Variants in PTPRN observed in about 807,000 individuals in gnomAD.
PTPRN encodes the protein protein tyrosine phosphatase receptor type N.
PTPRN carries 70 observed loss-of-function variants against 108.5 expected under a neutral mutation model. The ratio of observed to expected loss-of-function variants is 0.65; its 90% CI spans 0.53 to 0.79. The LOEUF (loss-of-function observed/expected upper bound fraction) is 0.79. Ranked by LOEUF, PTPRN falls within the 30% of genes least tolerant of loss-of-function variation. PTPRN has a pLI of 0.00. For missense variants in PTPRN, 1,136 were observed against 1,295.5 expected (o/e 0.88, Z 1.89); for synonymous variants, 496 against 524.6 (o/e 0.95, Z 0.75).
rs200504837 is a variant in PTPRN at position 219,295,178 on chromosome 2, T to C, written c.2509-37A>G. 3.8e-5 allele frequency: 60 copies of C among 1,590,634 alleles called. No homozygotes were observed. The Admixed American group carries it at 4.1e-4, about 11-fold the overall frequency. On this transcript the variant is annotated intron_variant, in intron 18 of 22. Transcript: ENST00000295718. ...GGGCCCAGGCCTGAGCGCCGCGGGC[T>C]GCCCCAGTCCCCGCGTTGCGCGCGC... is the stretch of plus-strand genomic sequence containing the variant.
rs1302491912 is a variant in PTPRN at position 219,296,191 on chromosome 2, C to T, written c.2508+35G>A. Reference sequence around the variant, plus strand: ...AAAAGGCCATCATCTACTCTTCCCACATCCATTGTCCCCTTGCTGTGGGGC... The same window carrying T: ...AAAAGGCCATCATCTACTCTTCCCATATCCATTGTCCCCTTGCTGTGGGGC... On this transcript the variant is annotated intron_variant, in intron 18 of 22. Transcript: ENST00000295718. The surrounding 1 kb of genome is among the most constrained non-coding windows in gnomAD (Gnocchi z 6.0). 6.2e-7 allele frequency: 1 copy of T among 1,611,858 alleles called. No homozygotes were observed. The highest frequency in any genetic ancestry group is 1.7e-5 in the Admixed American group (1 of 60,002).
chr2:219,290,218 C>T lies in PTPRN; in HGVS notation c.*8G>A, dbSNP rs780519955. 2 of 1,613,800 alleles carry T rather than the reference C, an allele frequency of 1.2e-6. No individual in the cohort carries two copies. Among genetic ancestry groups the T allele is most frequent in the Non-Finnish European group, 1.7e-6 (2 of 1,179,742 alleles). ...AGGCTGGGCTGCCCGCCAAGGGGCC[C>T]CAGGGTCTCACTGGGGCAGGGCCTT... On this transcript the variant is annotated 3_prime_UTR_variant, in exon 23 of 23. Coordinates refer to ENST00000295718, the MANE Select transcript of PTPRN (RefSeq NM_002846.4). The surrounding 1 kb of genome is among the most constrained non-coding windows in gnomAD (Gnocchi z 4.2).
At position 219,302,229 on chromosome 2, in the gene PTPRN, C is replaced by T. The variant is rs528795949; in HGVS notation, c.902G>A (p.Ser301Asn). 1 of 1,614,156 alleles carries T rather than the reference C, an allele frequency of 6.2e-7. No individual in the cohort carries two copies. Among genetic ancestry groups the T allele is most frequent in the South Asian group, 1.1e-5 (1 of 91,086 alleles). ...ARVPRLPEQG[S>N]SSRAEDSPEG... ...TGGGGAGTCCTCTGCCCGGCTGCTGCTCCCTTGCTCTGGCAGCCTTGGCAC... is the reference window on the plus strand; with the variant it reads ...TGGGGAGTCCTCTGCCCGGCTGCTGTTCCCTTGCTCTGGCAGCCTTGGCAC... Residue 301 changes from serine (S) to asparagine (N), a missense_variant, in exon 6 of 23, where the codon AGC becomes AAC. Physicochemically the swap from Ser to Asn is conservative, Grantham distance 46. Transcript: ENST00000295718.
At chr2:219,303,933 G>A in intron 3 of PTPRN, 102 bp from the exon 4 acceptor site, 1 of 853,388 alleles carries the variant, frequency 1.2e-6, no homozygotes, top group Non-Finnish European at 1.8e-6. Flanking sequence ...GCAGCTCATG[G>A]GGTTTGTCAG....
Position 219,299,399 on chromosome 2 carries a change from C to G in PTPRN, c.1524-15G>C, listed in dbSNP as rs763985747. 3 of 1,613,222 alleles carry G rather than the reference C, an allele frequency of 1.9e-6. No individual in the cohort carries two copies. In the Admixed American group the frequency reaches 5.0e-5, roughly 27 times the overall value. Reference sequence around the variant, plus strand: ...GTCCCACCACACTGCCAGATAGGAGCTATGTTACTGCCTTCTCCACCCCAG... The same window carrying G: ...GTCCCACCACACTGCCAGATAGGAGGTATGTTACTGCCTTCTCCACCCCAG... On this transcript the variant is annotated splice_polypyrimidine_tract_variant and intron_variant, in intron 10 of 22. Transcript: ENST00000295718.
Position 219,297,059 on chromosome 2 carries a change from G to T in PTPRN, c.2162C>A (p.Ala721Glu). The change falls in exon 15 of 23, where the codon GCA (alanine) becomes GAA (glutamate). Residue 721 changes from alanine (A) to glutamate (E), a missense_variant. Transcript: ENST00000295718. The surrounding 1 kb of genome is among the most constrained non-coding windows in gnomAD (Gnocchi z 6.0). ...CGCGGTGGCACAGGTGTTTGGCTCT[G>T]CTTGGTAGGCACAGAGGGCCTGCCA... The part of the protein sequence containing the change: ...KEWQALCAYQ[A>E]EPNTCATAQG... The T allele has an allele frequency of 1.2e-6, 2 of 1,614,100 alleles. No homozygotes were observed. The highest frequency in any genetic ancestry group is 1.7e-6 in the Non-Finnish European group (2 of 1,180,034).
chr2:219,302,912 G>A, intron 4 of PTPRN, 75 bp from the exon 5 acceptor site: 2 of 1,527,818 alleles, frequency 1.3e-6, no homozygotes, highest in East Asian at 4.5e-5. Context: ...GAACTATTCG[G>A]GGCCAGGCAG....
intron 2 of PTPRN, 115 bp downstream of exon 2, chr2:219,307,677 T>G (rs1277363519): frequency 6.8e-7 from 1 of 1,476,842 alleles, no homozygotes; most frequent in African/African-American, 1.4e-5. Flanking sequence ...CAGGCAAGTC[T>G]TCCTTCTTCT....
chr2:219,296,001 CACATGTATGTTCTGTAAACAGG>C lies in PTPRN; in HGVS notation c.2508+203_2508+224del. 8 of 584,530 alleles carry C rather than the reference CACATGTATGTTCTGTAAACAGG, an allele frequency of 1.4e-5. No homozygotes were observed. The highest frequency in any genetic ancestry group is 2.0e-5 in the Non-Finnish European group (7 of 346,322). 36.2% of individuals were successfully genotyped at this position (584,530 alleles called of 1,614,324 possible). On this transcript the variant is annotated intron_variant, in intron 18 of 22. Coordinates refer to ENST00000295718, the MANE Select transcript of PTPRN (RefSeq NM_002846.4). The surrounding 1 kb of genome is among the most constrained non-coding windows in gnomAD (Gnocchi z 6.0). ...ACACACACACACACACACACACACACACATGTATGTTCTGTAAACAGGACACACACATGTATATATGTGAATA... is the reference window on the plus strand; with the variant it reads ...ACACACACACACACACACACACACACACACACACATGTATATATGTGAATA...
chr2:219,305,789 A>T (rs57095381), intron 3 of PTPRN, among the ~76,000 whole-genome samples: 25,943 of 152,146 alleles, frequency 0.17, 2,801 homozygotes, highest in African/African-American at 0.3. Flanking sequence ...ACCAAGTTGA[A>T]CCATTTGCAA....
chr2:219,296,269 C>T lies in PTPRN; in HGVS notation c.2465G>A (p.Arg822His), dbSNP rs546330516. 8.7e-6 allele frequency: 14 copies of T among 1,614,118 alleles called. No individual in the cohort carries two copies. The highest frequency in any genetic ancestry group is 6.6e-5 in the South Asian group (6 of 91,074). Reference sequence around the variant, plus strand: ...GGAGGCACCCTCATCTGGCCAGTAGCGGTCACACTGCTTGACACCATCCTC... The same window carrying T: ...GGAGGCACCCTCATCTGGCCAGTAGTGGTCACACTGCTTGACACCATCCTC... ...LVEDGVKQCDRYWPDEGASLY... is the reference protein window; with the variant it reads ...LVEDGVKQCDHYWPDEGASLY... Residue 822 changes from arginine (R) to histidine (H), a missense_variant, in exon 18 of 23, where the codon CGC becomes CAC. Transcript: ENST00000295718. The surrounding 1 kb of genome is among the most constrained non-coding windows in gnomAD (Gnocchi z 6.0).
chr2:219,299,661 T>C (rs1448012683), intron 10 of PTPRN, 39 bp downstream of exon 10: 1 of 1,537,194 alleles, frequency 6.5e-7, no homozygotes, highest in Non-Finnish European at 8.9e-7. Context: ...AGCTGCTTTC[T>C]AGATCTCGGC....
At position 219,290,979 on chromosome 2, in the gene PTPRN, G is replaced by A. The variant is rs770026263; in HGVS notation, c.2730-89C>T. 1.3e-5 allele frequency: 17 copies of A among 1,318,340 alleles called. No individual in the cohort carries two copies. The highest frequency in any genetic ancestry group is 1.5e-5 in the Non-Finnish European group (14 of 913,942). The allele number at this position is 1,318,340 out of a possible 1,614,324, so 81.7% of individuals were successfully genotyped here. A position where few individuals can be genotyped will look rare whatever the true frequency, so the allele number is the denominator to read the frequency against. On this transcript the variant is annotated intron_variant, in intron 20 of 22. Coordinates refer to ENST00000295718, the MANE Select transcript of PTPRN (RefSeq NM_002846.4). This position sits in a 1 kb window ranked among gnomAD's most constrained non-coding sequence, Gnocchi z 4.2. Reference sequence around the variant, plus strand: ...GGCGAGGAGGCCTGGAGGCCTGGGGGAGGGGAGGACACTGGGTGACCCGTT... The same window carrying A: ...GGCGAGGAGGCCTGGAGGCCTGGGGAAGGGGAGGACACTGGGTGACCCGTT...
chr2:219,294,471 G>C (rs993244585), intron 19 of PTPRN, among the ~76,000 whole-genome samples: 1 of 146,472 alleles, frequency 6.8e-6, no homozygotes, highest in Non-Finnish European at 1.5e-5. Context: ...AAGAATGAAA[G>C]ACACAGAAAA....
At position 219,290,882 on chromosome 2, in the gene PTPRN, G is replaced by A. The variant is rs1294456572; in HGVS notation, c.2738C>T (p.Ala913Val). The A allele has an allele frequency of 2.5e-6, 4 of 1,613,826 alleles. 1 individual carries two copies. Among genetic ancestry groups the A allele is most frequent in the South Asian group, 2.2e-5 (2 of 91,076 alleles). ...GAGGATGTAGGTGCCGGTCCTCCCC[G>A]CACCATCACTGAAACAGGAGTTAGT... ...CPIIVHCSDG[A>V]GRTGTYILID... Residue 913 changes from alanine (A) to valine (V), a missense_variant, in exon 21 of 23, where the codon GCG becomes GTG. Ala to Val is a moderately conservative substitution (Grantham distance 64). Transcript: ENST00000295718. This position sits in a 1 kb window ranked among gnomAD's most constrained non-coding sequence, Gnocchi z 4.2.
rs1171209780 is a variant in PTPRN, at chr2:219,302,734, GT to G, written c.480del (p.Pro161GlnfsTer39). The G allele has an allele frequency of 3.7e-6, 6 of 1,613,510 alleles. No homozygotes were observed. Among genetic ancestry groups the G allele is most frequent in the Non-Finnish European group, 5.1e-6 (6 of 1,179,908 alleles). Reference sequence around the variant, plus strand: ...GCCCCAGCTCCACCTTTGCCCACTGGTGGTTGTGGAAGCCGATGCTGGGCAG... The same window carrying G: ...GCCCCAGCTCCACCTTTGCCCACTGGGGTTGTGGAAGCCGATGCTGGGCAG... ...APAAQHRLPQ[P>X]PVGKGGAGAS... On this transcript the variant is annotated frameshift_variant, in exon 5 of 23. Coordinates refer to ENST00000295718, the MANE Select transcript of PTPRN (RefSeq NM_002846.4). LOFTEE classifies it high-confidence loss of function.
chr2:219,302,590 A>G lies in PTPRN; in HGVS notation c.625T>C (p.Tyr209His), dbSNP rs781562759. ...LSYEPALLQPYLFHQFGSRDG... is the reference protein window; with the variant it reads ...LSYEPALLQPHLFHQFGSRDG... ...CAAGGACTTACCTGGTGGAACAGGT[A>G]GGGCTGCAGCAAGGCAGGTTCGTAA... The change falls in exon 5 of 23, where the codon TAC becomes CAC. Residue 209 changes from tyrosine to histidine, a missense_variant. Tyr to His is a moderately conservative substitution (Grantham distance 83). Coordinates refer to ENST00000295718, the MANE Select transcript of PTPRN (RefSeq NM_002846.4). 2 of 1,614,050 alleles carry G rather than the reference A, an allele frequency of 1.2e-6. No homozygotes were observed. Among genetic ancestry groups the G allele is most frequent in the Non-Finnish European group, 1.7e-6 (2 of 1,179,954 alleles).
At position 219,301,686 on chromosome 2, in the gene PTPRN, G is replaced by A. The variant is rs139651840; in HGVS notation, c.1028C>T (p.Ala343Val). 170 of 1,612,662 alleles carry A rather than the reference G, an allele frequency of 1.1e-4. 1 individual carries two copies. The African/African-American group carries it at 1.8e-3, about 17-fold the overall frequency. Reference protein sequence around the residue: ...AALQRLAAVLAGYGVELRQLT... With the variant: ...AALQRLAAVLVGYGVELRQLT... ...CTGACGCAGCTCTACCCCATAGCCC[G>A]CCAGCACAGCGGCCAGCCTCTGCAG... Residue 343 changes from alanine (A) to valine (V), a missense_variant, in exon 7 of 23, where the codon GCG becomes GTG. Ala to Val is a moderately conservative substitution (Grantham distance 64). Transcript: ENST00000295718.
rs1425088949 is a variant in PTPRN, at chr2:219,290,951, G to A, written c.2730-61C>T. On this transcript the variant is annotated intron_variant, in intron 20 of 22. Coordinates refer to ENST00000295718, the MANE Select transcript of PTPRN (RefSeq NM_002846.4). This position sits in a 1 kb window ranked among gnomAD's most constrained non-coding sequence, Gnocchi z 4.2. ...TGCAGCAGAAAGGGGGAGGGACGGAGGAGGCGAGGAGGCCTGGAGGCCTGG... is the reference window on the plus strand; with the variant it reads ...TGCAGCAGAAAGGGGGAGGGACGGAAGAGGCGAGGAGGCCTGGAGGCCTGG... 2.6e-6 allele frequency: 4 copies of A among 1,532,620 alleles called. No individual in the cohort carries two copies. The highest frequency in any genetic ancestry group is 3.6e-6 in the Non-Finnish European group (4 of 1,106,200). The allele number at this position is 1,532,620 out of a possible 1,614,324, so 94.9% of individuals were successfully genotyped here.
Sources: gnomAD v4.1 joint callset for allele counts (sites outside exome capture counted in the v4.1 genomes callset) on GRCh38, gnomAD v4.1.1 for gene constraint, Gnocchi (gnomAD v3.1) non-coding constraint, MANE v1.5 for transcripts, NCBI Gene and HGNC (gene_info 2026-07-23, HGNC 2026-07-21) for gene names.